The following STT3A variants were observed in gnomAD, a reference collection of about 807,000 sequenced individuals.
STT3A encodes the protein dolichyl-diphosphooligosaccharide--protein glycosyltransferase subunit STT3A.
STT3A carries 34 observed loss-of-function variants against 89.2 expected under a neutral mutation model. The ratio of observed to expected loss-of-function variants is 0.38; its 90% CI spans 0.29 to 0.51. The LOEUF (loss-of-function observed/expected upper bound fraction) is 0.51. STT3A is among the 20% of genes least tolerant of loss of function. STT3A has a pLI of 0.89. For synonymous variants in STT3A, 282 were observed against 310.3 expected, an observed-to-expected ratio of 0.91 and a Z score of 0.96; for missense variants, 555 against 889.5, an observed-to-expected ratio of 0.62 and a Z score of 4.78.
At chr11:125,601,694 C>T (rs139559001) in intron 3 of STT3A, among the ~76,000 whole-genome samples, 3 of 152,118 alleles carry the variant, frequency 2.0e-5, no homozygotes, top group Non-Finnish European at 4.4e-5. Context: ...CTTCATGGTG[C>T]TTGAATTCTC....
At chr11:125,594,172 T>G (rs1355005385) in intron 1 of STT3A, among the ~76,000 whole-genome samples, 1 of 152,224 alleles carries the variant, frequency 6.6e-6, no homozygotes, top group Admixed American at 6.5e-5. Flanking sequence ...CACACTGTAC[T>G]CCATAAATAT....
Position 125,602,822 on chromosome 11 carries a change from T to G in STT3A, c.291T>G (p.Ala97=). 1 of 1,614,208 alleles carries G rather than the reference T, an allele frequency of 6.2e-7. No individual in the cohort carries two copies. Among genetic ancestry groups the G allele is most frequent in the Non-Finnish European group, 8.5e-7 (1 of 1,180,026 alleles). ...TIYPGLMITS[A]AIYHVLHFFH... ...TTACAGGTTTAATGATCACCTCTGC[T>G]GCAATCTACCATGTACTCCATTTTT... is the stretch of plus-strand genomic sequence containing the variant. The change falls in exon 5 of 18, where the codon GCT becomes GCG. Residue 97 remains alanine, a synonymous_variant. Coordinates refer to ENST00000392708, the MANE Select transcript of STT3A (RefSeq NM_152713.5).
At chr11:125,604,321 G>A in intron 6 of STT3A, 74 bp downstream of exon 6, 1 of 1,452,066 alleles carries the variant, frequency 6.9e-7, no homozygotes, top group Non-Finnish European at 9.5e-7. Context: ...TGCAGTCTAT[G>A]GTTTAGCAAT....
In STT3A at chr11:125,618,519, A is replaced by C; in HGVS notation, c.1921A>C (p.Lys641Gln). The C allele has an allele frequency of 6.2e-7, 1 of 1,613,984 alleles. No individual in the cohort carries two copies. The highest frequency in any genetic ancestry group is 1.1e-5 in the South Asian group (1 of 91,018). Reference protein sequence around the residue: ...SPVLLNCLMYKMCYYRFGQVY... With the variant: ...SPVLLNCLMYQMCYYRFGQVY... ...AGTGCTGCTCAACTGCCTCATGTACAAGATGTGTTACTATCGCTTTGGACA... is the reference window on the plus strand; with the variant it reads ...AGTGCTGCTCAACTGCCTCATGTACCAGATGTGTTACTATCGCTTTGGACA... The change falls in exon 16 of 18, where the codon AAG becomes CAG. Residue 641 changes from lysine (K) to glutamine (Q), a missense_variant. Lys to Gln is a moderately conservative substitution (Grantham distance 53). Around this residue, in one of 5 missense-constraint regions of STT3A, gnomAD observed 273 missense variants for 449.8 expected, o/e 0.61. Coordinates refer to ENST00000392708, the MANE Select transcript of STT3A (RefSeq NM_152713.5).
chr11:125,592,363 G>C (rs963865281), upstream of STT3A: 1 of 455,874 alleles, frequency 2.2e-6, no homozygotes, highest in Non-Finnish European at 4.4e-6. Flanking sequence ...AGAATAAATA[G>C]GTAGAAAATG....
Position 125,618,527 on chromosome 11 carries a change from T to G in STT3A, c.1929T>G (p.Cys643Trp). ...VLLNCLMYKMCYYRFGQVYTE... is the reference protein window; with the variant it reads ...VLLNCLMYKMWYYRFGQVYTE... ...TCAACTGCCTCATGTACAAGATGTG[T>G]TACTATCGCTTTGGACAGGTTTACA... The change falls in exon 16 of 18, where the codon TGT becomes TGG. Residue 643 changes from cysteine (C) to tryptophan (W), a missense_variant. Transcript: ENST00000392708. The G allele has an allele frequency of 6.2e-7, 1 of 1,613,654 alleles. No individual in the cohort carries two copies. Among genetic ancestry groups the G allele is most frequent in the Non-Finnish European group, 8.5e-7 (1 of 1,179,914 alleles).
chr11:125,597,502 T>C (rs1458233692), intron 3 of STT3A, among the ~76,000 whole-genome samples: 3 of 152,128 alleles, frequency 2.0e-5, no homozygotes, highest in Non-Finnish European at 4.4e-5. Flanking sequence ...ATTGCTAGTA[T>C]GTCTGCCTAT....
intron 1 of STT3A, among the ~76,000 whole-genome samples, chr11:125,595,673 T>C (rs1193442831): frequency 3.3e-5 from 5 of 152,248 alleles, no homozygotes; most frequent in Non-Finnish European, 1.5e-5. Flanking sequence ...CACTCCATTT[T>C]AGTCTTGACA....
chr11:125,608,776 C>T (rs751464515), intron 9 of STT3A, among the ~76,000 whole-genome samples: 1 of 152,194 alleles, frequency 6.6e-6, no homozygotes, highest in Non-Finnish European at 1.5e-5. Context: ...ACATTCAATC[C>T]ACTTTTCAGC....
At position 125,619,952 on chromosome 11, in the gene STT3A, T is replaced by C; in HGVS notation, c.1964-59T>C. 2.1e-6 allele frequency: 3 copies of C among 1,413,230 alleles called. No individual in the cohort carries two copies. The South Asian group carries it at 3.6e-5, about 17-fold the overall frequency. 87.5% of individuals were successfully genotyped at this position (1,413,230 alleles called of 1,614,324 possible). ...TAGATGGTTTCCTGAATCCATATAC[T>C]GTCTCTCTAGGAAATTAGCACTGTA... On this transcript the variant is annotated intron_variant, in intron 16 of 17. Transcript: ENST00000392708.
rs756855349 is a variant in STT3A at position 125,592,906 on chromosome 11, G to C, written c.-48G>C. On this transcript the variant is annotated 5_prime_UTR_variant, in exon 1 of 18. Transcript: ENST00000392708. The stretch of plus-strand genomic sequence containing the variant: ...TGAGGGAGCCCCGCGGATCGTTTAG[G>C]AAAGCCGGCCAGGTGAGAAGGCCGT... The C allele has an allele frequency of 5.6e-6, 1 of 178,250 alleles. No homozygotes were observed. Among genetic ancestry groups the C allele is most frequent in the East Asian group, 1.6e-4 (1 of 6,152 alleles). The allele number at this position is 178,250 out of a possible 1,614,324, so 11.0% of individuals were successfully genotyped here.
At chr11:125,594,065 G>T (rs1939406028) in intron 1 of STT3A, among the ~76,000 whole-genome samples, 1 of 152,038 alleles carries the variant, frequency 6.6e-6, no homozygotes, top group African/African-American at 2.4e-5. Context: ...TAGAAGAGTG[G>T]ATTTTGAATA....
chr11:125,619,311 C>T (rs1369272186), intron 16 of STT3A, among the ~76,000 whole-genome samples: 6 of 151,788 alleles, frequency 4.0e-5, no homozygotes, highest in East Asian at 1.9e-4. Flanking sequence ...CCACCCACCT[C>T]GGCCTCCCAA....
At chr11:125,602,990 A>G in intron 5 of STT3A, 42 bp downstream of exon 5, 2 of 1,611,192 alleles carry the variant, frequency 1.2e-6, no homozygotes, top group East Asian at 4.5e-5. Flanking sequence ...AATGAATGTT[A>G]TTGAGCCTCT....
chr11:125,612,699 C>T lies in STT3A; in HGVS notation c.1317C>T (p.Asp439=), dbSNP rs144727918. 1 of 1,614,028 alleles carries T rather than the reference C, an allele frequency of 6.2e-7. No individual in the cohort carries two copies. Among genetic ancestry groups the T allele is most frequent in the Non-Finnish European group, 8.5e-7 (1 of 1,180,022 alleles). Residue 439 remains aspartate, a synonymous_variant, in exon 12 of 18, where the codon GAC becomes GAT. Transcript: ENST00000392708. ...YMKNLDISRP[D]KKSKKQQDST... is the part of the protein sequence containing the mutation. ...AGAATCTGGACATAAGTCGTCCAGA[C>T]AAGAAGAGCAAGAAGCAACAGGATT...
At chr11:125,611,700 T>C (rs1185737721) in intron 11 of STT3A, among the ~76,000 whole-genome samples, 181 bp downstream of exon 11, 2 of 152,078 alleles carry the variant, frequency 1.3e-5, no homozygotes, top group Admixed American at 1.3e-4. Flanking sequence ...TACATTCTGG[T>C]TGTGGGGTCC....
intron 9 of STT3A, chr11:125,608,493 A>G (rs1177266217): frequency 2.3e-6 from 1 of 433,978 alleles, no homozygotes; most frequent in East Asian, 4.4e-5. Context: ...CGCCCAGCCA[A>G]TTTTGTATTT....
chr11:125,604,676 A>C (rs1939782043), intron 6 of STT3A, among the ~76,000 whole-genome samples: 1 of 152,232 alleles, frequency 6.6e-6, no homozygotes, highest in Non-Finnish European at 1.5e-5. Context: ...AATTAAAGAG[A>C]TAGGTAATGA....
chr11:125,604,108 C>T, intron 5 of STT3A, 49 bp from the exon 6 acceptor site: 1 of 1,588,698 alleles, frequency 6.3e-7, no homozygotes, highest in Non-Finnish European at 8.6e-7. Flanking sequence ...TCTGTTCTTT[C>T]TCAGCATTGT....
Sources: allele counts gnomAD v4.1 joint callset (sites outside exome capture counted in the v4.1 genomes callset), GRCh38; gene constraint gnomAD v4.1.1; regional missense constraint gnomAD v4.1.1; transcripts MANE v1.5; gene names NCBI Gene and HGNC (gene_info 2026-07-23, HGNC 2026-07-21).